Variants in SORCS3 observed in about 807,000 individuals in gnomAD.
SORCS3 encodes sortilin related VPS10 domain containing receptor 3.
In SORCS3, 57 loss-of-function variants were observed where a neutral mutation model predicts 146.3. That is an observed-to-expected ratio of 0.39 (90% confidence interval 0.31 to 0.49). SORCS3 has a LOEUF of 0.49. Among genes scored for constraint, SORCS3 ranks in the 20% least tolerant of loss-of-function variants. The pLI is 0.92. For missense variants in SORCS3, 1,341 were observed against 1,575.5 expected (o/e 0.85, Z 2.52); for synonymous variants, 653 against 618.5 (o/e 1.06, Z -0.83).
At chr10:105,219,678 C>T (rs1472545938) in intron 19 of SORCS3, among the ~76,000 whole-genome samples, 1 of 152,162 alleles carries the variant, frequency 6.6e-6, no homozygotes. Flanking sequence ...AGAGTATTTA[C>T]TAAGTACTTC....
chr10:104,738,768 C>T (rs999981), intron 1 of SORCS3, among the ~76,000 whole-genome samples: 60,079 of 152,006 alleles, frequency 0.4, 12,137 homozygotes, highest in South Asian at 0.49. Flanking sequence ...TTGTTGAGAA[C>T]TGATAGCAAC....
chr10:104,670,511 T>C (rs1031001157), intron 1 of SORCS3, among the ~76,000 whole-genome samples: 2 of 152,224 alleles, frequency 1.3e-5, no homozygotes, highest in African/African-American at 2.4e-5. Context: ...TATGAAGGTT[T>C]ATTTCTGGGC....
At chr10:105,247,168 C>A (rs750313761) in intron 21 of SORCS3, 51 bp from the exon 22 acceptor site, 42 of 1,040,044 alleles carry the variant, frequency 4.0e-5, no homozygotes, top group Non-Finnish European at 5.9e-5. Flanking sequence ...CTGTCACACC[C>A]TCTCTCTTCT....
chr10:104,759,695 G>T (rs1394474974), intron 1 of SORCS3, among the ~76,000 whole-genome samples: 1 of 152,096 alleles, frequency 6.6e-6, no homozygotes, highest in Admixed American at 6.6e-5. Context: ...CTACACCCAG[G>T]CTTGGGTAGG....
intron 4 of SORCS3, among the ~76,000 whole-genome samples, chr10:105,027,186 G>A (rs2055237160): frequency 6.6e-6 from 1 of 152,094 alleles, no homozygotes; most frequent in South Asian, 2.1e-4. Context: ...GACTTCTTCA[G>A]ATGTCCACAT....
intron 1 of SORCS3, among the ~76,000 whole-genome samples, chr10:104,833,643 G>C (rs1050199732): frequency 6.6e-6 from 1 of 152,194 alleles, no homozygotes; most frequent in South Asian, 2.1e-4. Flanking sequence ...TTTCTGCCTC[G>C]TTTCACTGAT....
At chr10:104,766,681 G>C (rs2017183813) in intron 1 of SORCS3, among the ~76,000 whole-genome samples, 1 of 152,244 alleles carries the variant, frequency 6.6e-6, no homozygotes. Context: ...TGCTGCCACT[G>C]TATGGGCCAT....
At chr10:105,147,928 A>G in intron 9 of SORCS3, 132 bp downstream of exon 9, 1 of 689,330 alleles carries the variant, frequency 1.5e-6, no homozygotes, top group Non-Finnish European at 2.4e-6. Flanking sequence ...GACTTTGGGC[A>G]AGGGACTTCT....
intron 2 of SORCS3, among the ~76,000 whole-genome samples, chr10:104,854,167 G>A (rs1353824714): frequency 6.6e-6 from 1 of 152,178 alleles, no homozygotes; most frequent in Non-Finnish European, 1.5e-5. Flanking sequence ...AATGTACAAA[G>A]TTTTAACAGT....
At chr10:104,949,286 T>A (rs780375915) in intron 3 of SORCS3, among the ~76,000 whole-genome samples, 2 of 152,140 alleles carry the variant, frequency 1.3e-5, no homozygotes, top group African/African-American at 4.8e-5. Context: ...ACATGAGTGG[T>A]GGAAGGAACT....
chr10:105,200,081 A>C lies in SORCS3; in HGVS notation c.2092A>C (p.Lys698Gln), dbSNP rs1437730267. Residue 698 changes from lysine (K) to glutamine (Q), a missense_variant, in exon 15 of 27, where the codon AAG becomes CAG. Lys to Gln is a moderately conservative substitution (Grantham distance 53, BLOSUM62 1). Coordinates refer to ENST00000369701, the MANE Select transcript of SORCS3 (RefSeq NM_014978.3). ...YKSIFSRHCT[K>Q]EDYQTWHLLN... ...ATCTATCTTCAGCCGGCATTGCACC[A>C]AGGAGGACTATCAGACCTGGCACCT... is the stretch of plus-strand genomic sequence containing the variant. The C allele has an allele frequency of 6.2e-7, 1 of 1,613,654 alleles. No individual in the cohort carries two copies. Among genetic ancestry groups the C allele is most frequent in the African/African-American group, 1.3e-5 (1 of 75,018 alleles).
intron 1 of SORCS3, among the ~76,000 whole-genome samples, chr10:104,720,616 T>A (rs959725738): frequency 3.3e-5 from 5 of 152,218 alleles, no homozygotes; most frequent in Non-Finnish European, 7.3e-5. Flanking sequence ...TTCCTATTTC[T>A]CCACATCCTC....
rs146128927 is a variant in SORCS3, at chr10:105,155,177, C to T, written c.1483-1961C>T. Among the ~76,000 whole-genome samples, 725 of 152,230 alleles carry T rather than the reference C, an allele frequency of 4.8e-3. 9 individuals carry two copies. The highest frequency in any genetic ancestry group is 0.047 in the South Asian group (225 of 4,820). ...CCGTCCAAATGGTGAAGTGCTCAGT[C>T]GGAAAACATGGTAATGGTAATGGTA... On this transcript the variant is annotated intron_variant, in intron 9 of 26. Transcript: ENST00000369701.
intron 4 of SORCS3, among the ~76,000 whole-genome samples, chr10:105,003,421 G>A (rs1357598707): frequency 6.6e-6 from 1 of 152,038 alleles, no homozygotes; most frequent in African/African-American, 2.4e-5. Flanking sequence ...GCCCTTCTCT[G>A]CCTCAGTTTC....
At chr10:104,879,549 A>G (rs911780177) in intron 2 of SORCS3, among the ~76,000 whole-genome samples, 2 of 152,190 alleles carry the variant, frequency 1.3e-5, no homozygotes, top group Non-Finnish European at 1.5e-5. Flanking sequence ...GGCAGGCCCC[A>G]GAGATTAGGG....
intron 8 of SORCS3, among the ~76,000 whole-genome samples, chr10:105,141,796 A>G (rs1332719): frequency 0.29 from 44,240 of 152,088 alleles, 6,629 homozygotes; most frequent in Middle Eastern, 0.34. Flanking sequence ...GGGAGCAGGT[A>G]ACCTAGGGAA....
At chr10:104,931,665 GA>G (rs2019209970) in intron 3 of SORCS3, among the ~76,000 whole-genome samples, 1 of 152,192 alleles carries the variant, frequency 6.6e-6, no homozygotes, top group African/African-American at 2.4e-5. Context: ...AGAAAGACTG[GA>G]ACCAACTTAG....
intron 1 of SORCS3, among the ~76,000 whole-genome samples, chr10:104,740,407 C>T (rs2016827771): frequency 6.6e-6 from 1 of 152,214 alleles, no homozygotes; most frequent in Non-Finnish European, 1.5e-5. Context: ...GCTGTCGTCT[C>T]ACTTACTCCT....
At chr10:104,686,286 G>A (rs768704981) in intron 1 of SORCS3, among the ~76,000 whole-genome samples, 23 of 152,058 alleles carry the variant, frequency 1.5e-4, no homozygotes, top group Admixed American at 4.6e-4. Context: ...TTTTGGGAGG[G>A]TGGTAATTTT....
Sources: allele counts gnomAD v4.1 joint callset (sites outside exome capture counted in the v4.1 genomes callset), GRCh38; gene constraint gnomAD v4.1.1; transcripts MANE v1.5; gene names NCBI Gene and HGNC (gene_info 2026-07-23, HGNC 2026-07-21).